Variants in STXBP5L observed in about 807,000 individuals in gnomAD.
STXBP5L encodes syntaxin binding protein 5L, also known as syntaxin-binding protein 5-like.
Under a neutral mutation model 144.5 loss-of-function variants are expected in STXBP5L, and 65 were observed. The observed-to-expected ratio is 0.45, with a 90% confidence interval of 0.37 to 0.55. The LOEUF (loss-of-function observed/expected upper bound fraction) is 0.55. STXBP5L is among the 20% of genes least tolerant of loss of function. STXBP5L has a pLI of 0.00. For missense variants in STXBP5L, 1,298 were observed against 1,405.5 expected (o/e 0.92, Z 1.22); for synonymous variants, 505 against 469.6 (o/e 1.08, Z -0.97).
At chr3:121,345,032 T>C (rs1464738572) in intron 20 of STXBP5L, among the ~76,000 whole-genome samples, 6 of 151,894 alleles carry the variant, frequency 4.0e-5, no homozygotes, top group South Asian at 2.1e-4. Flanking sequence ...AATTAAACTT[T>C]AAGTTCTAGG....
At chr3:121,219,342 G>A (rs2048904271) in intron 10 of STXBP5L, among the ~76,000 whole-genome samples, 1 of 152,128 alleles carries the variant, frequency 6.6e-6, no homozygotes, top group South Asian at 2.1e-4. Context: ...CAGGATGGCT[G>A]TCACAGAAAC....
rs1483482099 is a variant in STXBP5L at position 121,240,452 on chromosome 3, A to C, written c.1345A>C (p.Ser449Arg). Reference sequence around the variant, plus strand: ...ATAATCTGTTTAGGAGTGGCCAATCAGTGGAGGAGCTTGGAACCTTGGAGC... The same window carrying C: ...ATAATCTGTTTAGGAGTGGCCAATCCGTGGAGGAGCTTGGAACCTTGGAGC... Reference protein sequence around the residue: ...QGYSNKEWPISGGAWNLGAQT... With the variant: ...QGYSNKEWPIRGGAWNLGAQT... Residue 449 changes from serine to arginine, a missense_variant, in exon 14 of 27, where the codon AGT (serine) becomes CGT (arginine). Physicochemically the swap from Ser to Arg is moderately radical, Grantham distance 110. Transcript: ENST00000471454. The C allele has an allele frequency of 1.2e-6, 2 of 1,613,514 alleles. No homozygotes were observed. The highest frequency in any genetic ancestry group is 3.3e-5 in the Admixed American group (2 of 59,980).
intron 5 of STXBP5L, among the ~76,000 whole-genome samples, chr3:121,094,300 G>T (rs972641452): frequency 2.0e-5 from 3 of 152,210 alleles, no homozygotes; most frequent in Non-Finnish European, 4.4e-5. Flanking sequence ...GCTTGGTGCA[G>T]AGCTGAGTCC....
chr3:120,909,795 T>C (rs2107541386), intron 2 of STXBP5L, 28 bp downstream of exon 2: 1 of 1,584,934 alleles, frequency 6.3e-7, no homozygotes, highest in Non-Finnish European at 8.6e-7. Context: ...TTAAAGCCTA[T>C]TATTTCTTTA....
At chr3:121,393,911 A>G (rs2046659191) in intron 22 of STXBP5L, among the ~76,000 whole-genome samples, 1 of 151,884 alleles carries the variant, frequency 6.6e-6, no homozygotes, top group Admixed American at 6.6e-5. Flanking sequence ...GGCTATTCAG[A>G]CTGTTTTGGT....
At chr3:120,990,105 C>A (rs113234154) in intron 3 of STXBP5L, among the ~76,000 whole-genome samples, 3 of 152,148 alleles carry the variant, frequency 2.0e-5, no homozygotes, top group African/African-American at 7.2e-5. Context: ...GCAACTTCAG[C>A]AAAGTCTCAG....
intron 18 of STXBP5L, among the ~76,000 whole-genome samples, chr3:121,274,263 G>A (rs2050813861): frequency 6.6e-6 from 1 of 152,212 alleles, no homozygotes; most frequent in African/African-American, 2.4e-5. Context: ...AAGGGCACCA[G>A]CTGGATGGGG....
intron 7 of STXBP5L, among the ~76,000 whole-genome samples, chr3:121,144,150 A>G (rs2045625529): frequency 6.6e-6 from 1 of 151,648 alleles, no homozygotes; most frequent in Admixed American, 6.6e-5. Context: ...AAAAAAAAAA[A>G]AAAAAAAATC....
chr3:121,036,926 T>C (rs1298464793), intron 3 of STXBP5L, among the ~76,000 whole-genome samples: 1 of 151,768 alleles, frequency 6.6e-6, no homozygotes. Context: ...TAAAAAATTT[T>C]AAAAATATAT....
At chr3:121,057,963 G>T (rs780908331) in intron 5 of STXBP5L, among the ~76,000 whole-genome samples, 24 of 150,414 alleles carry the variant, frequency 1.6e-4, no homozygotes, top group African/African-American at 2.4e-4. Flanking sequence ...TATGTTTTTT[G>T]TTGTTGTTGT....
At chr3:121,074,107 G>C (rs1262885380) in intron 5 of STXBP5L, among the ~76,000 whole-genome samples, 1 of 152,272 alleles carries the variant, frequency 6.6e-6, no homozygotes, top group African/African-American at 2.4e-5. Context: ...GGTCTGTCTA[G>C]TGCTTCCTCA....
chr3:121,279,765 T>C, intron 18 of STXBP5L, 40 bp from the exon 19 acceptor site: 1 of 1,601,628 alleles, frequency 6.2e-7, no homozygotes, highest in Non-Finnish European at 8.5e-7. Flanking sequence ...TAATCATGCT[T>C]GTTGTGATAC....
At chr3:121,349,577 A>G (rs1357754106) in intron 20 of STXBP5L, among the ~76,000 whole-genome samples, 2 of 151,920 alleles carry the variant, frequency 1.3e-5, no homozygotes, top group Non-Finnish European at 2.9e-5. Context: ...TCTCATTATT[A>G]TTGTGTGGGA....
intron 9 of STXBP5L, among the ~76,000 whole-genome samples, chr3:121,196,028 G>T (rs745937937): frequency 3.3e-5 from 5 of 151,912 alleles, no homozygotes; most frequent in Admixed American, 1.3e-4. Context: ...TTGGCTATTT[G>T]GGGTCTTTTG....
intron 3 of STXBP5L, among the ~76,000 whole-genome samples, chr3:121,001,937 A>AT (rs1206066222): frequency 1.3e-5 from 2 of 152,106 alleles, no homozygotes; most frequent in South Asian, 2.1e-4. Flanking sequence ...CATTCACCAC[A>AT]TTTTTTTATC....
chr3:121,149,737 CAA>C (rs2045862965), intron 7 of STXBP5L, among the ~76,000 whole-genome samples: 1 of 151,746 alleles, frequency 6.6e-6, no homozygotes, highest in South Asian at 2.1e-4. Flanking sequence ...ATAAAATTAA[CAA>C]GAAAATCAAT....
At chr3:121,003,251 A>T (rs1038801474) in intron 3 of STXBP5L, among the ~76,000 whole-genome samples, 22 of 152,104 alleles carry the variant, frequency 1.4e-4, no homozygotes, top group Non-Finnish European at 2.9e-4. Flanking sequence ...TGCCATTCTA[A>T]CTGGTGTGAG....
At chr3:121,264,209 C>A (rs2050478448) in intron 18 of STXBP5L, among the ~76,000 whole-genome samples, 1 of 152,212 alleles carries the variant, frequency 6.6e-6, no homozygotes, top group South Asian at 2.1e-4. Context: ...TCTAGCCAAA[C>A]TAAGCTTCAT....
At chr3:121,237,086 A>G (rs1170435112) in intron 12 of STXBP5L, among the ~76,000 whole-genome samples, 1 of 152,186 alleles carries the variant, frequency 6.6e-6, no homozygotes, top group East Asian at 1.9e-4. Context: ...TGTGGCTTTC[A>G]TATGTTGGAG....
Sources: gnomAD v4.1 joint callset for allele counts (sites outside exome capture counted in the v4.1 genomes callset) on GRCh38, gnomAD v4.1.1 for gene constraint, MANE v1.5 for transcripts, NCBI Gene and HGNC (gene_info 2026-07-23, HGNC 2026-07-21) for gene names.